LRRC72: variants seen among roughly 807,000 people sequenced by gnomAD.
LRRC72 encodes leucine-rich repeat-containing protein 72.
Under a neutral mutation model 35.8 loss-of-function variants are expected in LRRC72, and 41 were observed. The ratio of observed to expected loss-of-function variants is 1.15; its 90% CI spans 0.89 to 1.49. The LOEUF is 1.49. Among genes scored for constraint, LRRC72 ranks in the 40% most tolerant of loss-of-function variants. The probability of loss-of-function intolerance (pLI) is 0.00; values close to 1 mark genes in which losing one functional copy is unlikely to be tolerated. For synonymous variants in LRRC72, 118 were observed against 119.2 expected (o/e 0.99, Z 0.07); for missense variants, 389 against 330.7 (o/e 1.18, Z -1.37).
chr7:16,567,296 T>C (rs976517961), intron 6 of LRRC72, 95 bp from the exon 7 acceptor site: 2 of 900,330 alleles, frequency 2.2e-6, no homozygotes, highest in Admixed American at 3.6e-5. Flanking sequence ...TATCATAGTT[T>C]AGATAAATAC....
At chr7:16,557,970 T>C (rs1282808832) in intron 4 of LRRC72, among the ~76,000 whole-genome samples, 1 of 150,972 alleles carries the variant, frequency 6.6e-6, no homozygotes, top group African/African-American at 2.5e-5. Context: ...ATGTCTTAAA[T>C]TTTAAGGCCC....
At chr7:16,561,483 T>C (rs1395219643) in intron 5 of LRRC72, among the ~76,000 whole-genome samples, 1 of 152,102 alleles carries the variant, frequency 6.6e-6, no homozygotes, top group Non-Finnish European at 1.5e-5. Context: ...TGTATGTGAG[T>C]GTAGAATTGT....
intron 3 of LRRC72, among the ~76,000 whole-genome samples, chr7:16,542,167 T>A (rs370053185): frequency 1.3e-5 from 2 of 152,158 alleles, no homozygotes; most frequent in African/African-American, 4.8e-5. Context: ...TTTGGAATAT[T>A]TCTGGGAATG....
chr7:16,556,201 T>C (rs1218775674), intron 3 of LRRC72, among the ~76,000 whole-genome samples: 1 of 152,206 alleles, frequency 6.6e-6, no homozygotes, highest in East Asian at 1.9e-4. Flanking sequence ...AAAGTACTTT[T>C]TATTATTTCC....
chr7:16,535,016 A>G (rs931377049), intron 2 of LRRC72, among the ~76,000 whole-genome samples: 10 of 152,042 alleles, frequency 6.6e-5, no homozygotes, highest in African/African-American at 2.4e-4. Flanking sequence ...TGGGCAACAT[A>G]TGAAACCCTG....
rs563241776 is a variant in LRRC72, at chr7:16,568,710, TAAC to T, written c.670+1185_670+1187del. On this transcript the variant is annotated intron_variant, in intron 7 of 8. Coordinates refer to ENST00000401542, the MANE Select transcript of LRRC72 (RefSeq NM_001195280.2). ...TGAATCCAAACACAAAAAAGACACA[TAAC>T]AACAACAACAACAACAAGAGTCTTC... Among the ~76,000 whole-genome samples, 308 of 151,816 alleles carry T rather than the reference TAAC, an allele frequency of 2.0e-3. 1 individual carries two copies. The highest frequency in any genetic ancestry group is 5.3e-3 in the African/African-American group (221 of 41,388).
At chr7:16,537,521 A>G in intron 2 of LRRC72, 106 bp from the exon 3 acceptor site, 2 of 543,822 alleles carry the variant, frequency 3.7e-6, no homozygotes, top group Non-Finnish European at 6.4e-6. Flanking sequence ...TGAAAGGACA[A>G]AGAGAGGCCT....
chr7:16,565,181 T>G (rs1181587084), intron 5 of LRRC72, among the ~76,000 whole-genome samples: 2 of 152,218 alleles, frequency 1.3e-5, no homozygotes, highest in African/African-American at 4.8e-5. Context: ...CGGTGGCTGA[T>G]GCCTGTATTT....
intron 7 of LRRC72, among the ~76,000 whole-genome samples, chr7:16,576,810 G>C (rs749258276): frequency 1.3e-5 from 2 of 152,196 alleles, no homozygotes; most frequent in Non-Finnish European, 2.9e-5. Context: ...CAGAGCTCCA[G>C]GTGCTGAGCC....
At chr7:16,542,970 A>T (rs1782382800) in intron 3 of LRRC72, among the ~76,000 whole-genome samples, 2 of 152,200 alleles carry the variant, frequency 1.3e-5, no homozygotes, top group African/African-American at 4.8e-5. Context: ...TTCATACCCA[A>T]AACAGCTTCT....
At chr7:16,549,140 C>A (rs1231448229) in intron 3 of LRRC72, among the ~76,000 whole-genome samples, 3 of 152,052 alleles carry the variant, frequency 2.0e-5, no homozygotes, top group Non-Finnish European at 4.4e-5. Context: ...TAATTGGTCA[C>A]CAGTTATAAA....
intron 1 of LRRC72, among the ~76,000 whole-genome samples, chr7:16,527,891 T>A (rs1157497167): frequency 6.6e-6 from 1 of 150,450 alleles, no homozygotes. Context: ...TTTCAAACAT[T>A]TTTTTCCCTT....
intron 7 of LRRC72, among the ~76,000 whole-genome samples, chr7:16,569,198 C>T (rs1349108081): frequency 5.3e-5 from 8 of 152,036 alleles, no homozygotes; most frequent in African/African-American, 1.4e-4. Flanking sequence ...GAGGCCGAGG[C>T]GGGCAGATCA....
intron 7 of LRRC72, among the ~76,000 whole-genome samples, chr7:16,568,806 G>C (rs1442990226): frequency 1.3e-5 from 2 of 152,120 alleles, no homozygotes; most frequent in Non-Finnish European, 2.9e-5. Context: ...GAATAACACA[G>C]AGATTCACAA....
At chr7:16,557,496 C>A in intron 4 of LRRC72, 55 bp downstream of exon 4, 1 of 590,914 alleles carries the variant, frequency 1.7e-6, no homozygotes, top group South Asian at 7.2e-5. Context: ...TAATAACTTT[C>A]AACTATGGTA....
Position 16,537,694 on chromosome 7 carries a change from AAGGT to A in LRRC72, c.234+1_234+4del. On this transcript the variant is annotated splice_donor_variant and coding_sequence_variant, in exon 3 of 9. Transcript: ENST00000401542. LOFTEE classifies it high-confidence loss of function. ...AAAATACTTATGGCTTCATCATAAC[AAGGT>A]AGTGTTTTATTTTATCTTTCAATTA... 1.4e-6 allele frequency: 2 copies of A among 1,451,072 alleles called. No homozygotes were observed. Among genetic ancestry groups the A allele is most frequent in the Non-Finnish European group, 1.9e-6 (2 of 1,071,762 alleles). 89.9% of individuals were successfully genotyped at this position (1,451,072 alleles called of 1,614,324 possible).
chr7:16,533,903 G>T (rs966444956), intron 2 of LRRC72, among the ~76,000 whole-genome samples: 34 of 152,116 alleles, frequency 2.2e-4, no homozygotes, highest in African/African-American at 8.2e-4. Context: ...TCAAAAGATT[G>T]CATCTTTCAT....
In LRRC72 at chr7:16,567,496, A is replaced by G; in HGVS notation, c.623A>G (p.Asp208Gly). The change falls in exon 7 of 9, where the codon GAT becomes GGT. Residue 208 changes from aspartate (D) to glycine (G), a missense_variant. By Grantham distance (94) the Asp-to-Gly change is moderately conservative. Coordinates refer to ENST00000401542, the MANE Select transcript of LRRC72 (RefSeq NM_001195280.2). The stretch of plus-strand genomic sequence containing the variant: ...GGAGGAAAAGTGGATGCTTCATGGG[A>G]TCCTAAATCACCATTTAAGCAAAAA... The part of the protein sequence containing the change: ...AFGGKVDASW[D>G]PKSPFKQKPA... The G allele has an allele frequency of 6.6e-7, 1 of 1,516,272 alleles. No individual in the cohort carries two copies. The highest frequency in any genetic ancestry group is 8.9e-7 in the Non-Finnish European group (1 of 1,129,754). The allele number at this position is 1,516,272 out of a possible 1,614,324, so 93.9% of individuals were successfully genotyped here.
At chr7:16,532,664 C>T (rs1342274841) in intron 2 of LRRC72, 96 bp downstream of exon 2, 1 of 986,820 alleles carries the variant, frequency 1.0e-6, no homozygotes, top group Non-Finnish European at 1.6e-6. Flanking sequence ...CATTTTTCCC[C>T]CTCAAGGACT....
Sources: allele counts gnomAD v4.1 joint callset (sites outside exome capture counted in the v4.1 genomes callset), GRCh38; gene constraint gnomAD v4.1.1; transcripts MANE v1.5; gene names NCBI Gene and HGNC (gene_info 2026-07-23, HGNC 2026-07-21).